Variants in LRBA observed in about 807,000 individuals in gnomAD.
LRBA encodes the protein lipopolysaccharide-responsive and beige-like anchor protein.
Under a neutral mutation model 330.0 loss-of-function variants are expected in LRBA, and 176 were observed. The observed-to-expected ratio is 0.53, with a 90% CI of 0.47 to 0.60. The LOEUF is 0.60. Among genes scored for constraint, LRBA ranks in the 20% least tolerant of loss-of-function variants. LRBA has a pLI of 0.00. For synonymous variants in LRBA, 1,230 were observed against 1,193.0 expected (o/e 1.03, Z -0.64); for missense variants, 3,259 against 3,444.8 (o/e 0.95, Z 1.35).
intron 37 of LRBA, among the ~76,000 whole-genome samples, chr4:150,620,280 GC>G (rs1245380485): frequency 6.6e-6 from 1 of 152,070 alleles, no homozygotes; most frequent in Non-Finnish European, 1.5e-5. Context: ...TGCAAGAATG[GC>G]CATTATTAAA....
intron 42 of LRBA, among the ~76,000 whole-genome samples, chr4:150,479,506 T>C (rs917238829): frequency 6.6e-6 from 1 of 152,138 alleles, no homozygotes; most frequent in Non-Finnish European, 1.5e-5. Flanking sequence ...ATCAAAAGCA[T>C]TACCGGTATT....
Position 150,278,086 on chromosome 4 carries a change from C to A in LRBA, c.8317-82G>T, listed in dbSNP as rs1163978699. Reference sequence around the variant, plus strand: ...ACCCTGTTTTTGAGTCATTCTTACACCAGCTACTACGGTGCAGAGAGAAGA... The same window carrying A: ...ACCCTGTTTTTGAGTCATTCTTACAACAGCTACTACGGTGCAGAGAGAAGA... On this transcript the variant is annotated intron_variant, in intron 55 of 56. Transcript: ENST00000651943. 2.5e-6 allele frequency: 3 copies of A among 1,201,870 alleles called. No homozygotes were observed. In the East Asian group the frequency reaches 7.1e-5, roughly 29 times the overall value. 74.5% of individuals were successfully genotyped at this position (1,201,870 alleles called of 1,614,324 possible).
chr4:150,789,332 T>C (rs1476766494), intron 34 of LRBA, among the ~76,000 whole-genome samples: 5 of 152,186 alleles, frequency 3.3e-5, no homozygotes, highest in Non-Finnish European at 7.3e-5. Context: ...TAAAACTGTA[T>C]ATATATTTCT....
At chr4:150,293,438 C>T (rs759850583) in intron 53 of LRBA, among the ~76,000 whole-genome samples, 1 of 152,162 alleles carries the variant, frequency 6.6e-6, no homozygotes, top group Non-Finnish European at 1.5e-5. Context: ...AATCTTTTCC[C>T]TTCCCCTATT....
chr4:151,011,620 A>C (rs1334535478), intron 2 of LRBA, among the ~76,000 whole-genome samples: 1 of 148,738 alleles, frequency 6.7e-6, no homozygotes. Context: ...AAAAAAAAAG[A>C]CTAACTATCA....
chr4:150,957,516 C>G (rs1442909649), intron 2 of LRBA, among the ~76,000 whole-genome samples: 1 of 148,482 alleles, frequency 6.7e-6, no homozygotes, highest in Non-Finnish European at 1.5e-5. Flanking sequence ...GGGGACACAG[C>G]CAAACCATAT....
intron 49 of LRBA, among the ~76,000 whole-genome samples, chr4:150,322,028 A>G (rs1347090307): frequency 6.6e-6 from 1 of 152,222 alleles, no homozygotes; most frequent in African/African-American, 2.4e-5. Context: ...ATATATTTAT[A>G]TAGTGTACCA....
chr4:151,003,029 TGTGTGTATGTGTTTGC>T (rs1021199864), intron 2 of LRBA, among the ~76,000 whole-genome samples: 14 of 115,910 alleles, frequency 1.2e-4, no homozygotes, highest in Admixed American at 4.4e-4. Context: ...AAAATATGTG[TGTGTGTATGTGTTTGC>T]GTGTGTGTGT....
At chr4:150,609,001 T>G (rs900786466) in intron 37 of LRBA, among the ~76,000 whole-genome samples, 5 of 151,982 alleles carry the variant, frequency 3.3e-5, no homozygotes, top group African/African-American at 1.2e-4. Context: ...TATCCATTCA[T>G]GTACTGATGA....
At chr4:150,268,025 A>G (rs955776067) in intron 56 of LRBA, among the ~76,000 whole-genome samples, 8 of 149,818 alleles carry the variant, frequency 5.3e-5, no homozygotes, top group Admixed American at 2.0e-4. Flanking sequence ...GCACCATTGC[A>G]CTCCAGCCTG....
intron 22 of LRBA, among the ~76,000 whole-genome samples, chr4:150,857,504 C>G (rs1347016701): frequency 3.3e-5 from 5 of 152,088 alleles, no homozygotes; most frequent in Non-Finnish European, 7.4e-5. Context: ...TCATGCAAAT[C>G]TAGCGTATAA....
At chr4:150,502,090 C>T (rs1226556406) in intron 40 of LRBA, among the ~76,000 whole-genome samples, 1 of 152,116 alleles carries the variant, frequency 6.6e-6, no homozygotes, top group African/African-American at 2.4e-5. Context: ...AACAGAGCTC[C>T]AGAGATCTGC....
intron 36 of LRBA, among the ~76,000 whole-genome samples, chr4:150,685,420 A>ATATATATACTTT (rs1561514146): frequency 2.3e-4 from 4 of 17,436 alleles, no homozygotes; most frequent in African/African-American, 9.5e-4. Context: ...ATATATATAT[A>ATATATATACTTT]TTTTTTTTTT....
At chr4:150,728,802 T>C (rs1394300481) in intron 36 of LRBA, among the ~76,000 whole-genome samples, 2 of 152,044 alleles carry the variant, frequency 1.3e-5, no homozygotes, top group African/African-American at 4.8e-5. Flanking sequence ...GACAAGAACA[T>C]GTACTTTCAC....
chr4:150,652,218 A>G (rs539299975), intron 37 of LRBA, among the ~76,000 whole-genome samples: 1 of 152,028 alleles, frequency 6.6e-6, no homozygotes, highest in African/African-American at 2.4e-5. Context: ...GTTTCCCTCA[A>G]TGTTTCTCTC....
intron 39 of LRBA, 87 bp from the exon 40 acceptor site, chr4:150,588,271 C>G (rs368370643): frequency 3.6e-6 from 5 of 1,387,894 alleles, no homozygotes; most frequent in African/African-American, 2.9e-5. Flanking sequence ...TTAATCTTTT[C>G]ATTCTCACGT....
At chr4:150,726,994 C>CA (rs1560736255) in intron 36 of LRBA, among the ~76,000 whole-genome samples, 1 of 139,430 alleles carries the variant, frequency 7.2e-6, no homozygotes. Flanking sequence ...AAAAAAAAAT[C>CA]AAAAAAGAAA....
At chr4:150,669,584 T>G (rs1037592075) in intron 37 of LRBA, among the ~76,000 whole-genome samples, 1 of 152,078 alleles carries the variant, frequency 6.6e-6, no homozygotes, top group Non-Finnish European at 1.5e-5. Context: ...TTCTCTTTTT[T>G]TTTTTCCCTC....
chr4:150,816,117 CA>C (rs1744554465), intron 31 of LRBA, among the ~76,000 whole-genome samples: 1 of 151,976 alleles, frequency 6.6e-6, no homozygotes, highest in South Asian at 2.1e-4. Context: ...CAAAACTCTC[CA>C]AGATATGCTA....
Sources: gnomAD v4.1 joint callset for allele counts (sites outside exome capture counted in the v4.1 genomes callset) on GRCh38, gnomAD v4.1.1 for gene constraint, MANE v1.5 for transcripts, NCBI Gene and HGNC (gene_info 2026-07-23, HGNC 2026-07-21) for gene names.